Variants in CNGB1 observed in about 807,000 individuals in gnomAD.
The protein encoded by CNGB1 is cyclic nucleotide gated channel subunit beta 1, also known as cyclic nucleotide-gated channel beta-1.
CNGB1 carries 126 observed loss-of-function variants against 151.7 expected under a neutral mutation model. That is an observed-to-expected ratio of 0.83 (90% CI 0.72 to 0.96). The LOEUF (loss-of-function observed/expected upper bound fraction) is 0.96. Ranked by LOEUF, CNGB1 falls within the 40% of genes least tolerant of loss-of-function variation. CNGB1 has a pLI of 0.00. For synonymous variants in CNGB1, 623 were observed against 635.1 expected, an observed-to-expected ratio of 0.98 and a Z score of 0.29; for missense variants, 1,698 against 1,627.0, an observed-to-expected ratio of 1.04 and a Z score of -0.75.
chr16:57,914,207 G>C (rs1449828836), intron 23 of CNGB1, among the ~76,000 whole-genome samples: 1 of 152,164 alleles, frequency 6.6e-6, no homozygotes, highest in Admixed American at 6.6e-5. Flanking sequence ...TGTGACCCAA[G>C]GTATGGATCT....
chr16:57,916,732 G>A (rs763396092), intron 21 of CNGB1, among the ~76,000 whole-genome samples: 1 of 152,276 alleles, frequency 6.6e-6, no homozygotes, highest in East Asian at 1.9e-4. Context: ...TAAGGCAGGG[G>A]TGGTGCACGG....
At chr16:57,899,712 T>C (rs1397879346) in intron 29 of CNGB1, among the ~76,000 whole-genome samples, 4 of 152,172 alleles carry the variant, frequency 2.6e-5, no homozygotes, top group Non-Finnish European at 4.4e-5. Context: ...ACTGTCACAC[T>C]TTTGACTTAT....
rs1960493273 is a variant in CNGB1 at position 57,904,716 on chromosome 16, G to A, written c.2634+18C>T. On this transcript the variant is annotated intron_variant, in intron 26 of 32. Coordinates refer to ENST00000251102, the MANE Select transcript of CNGB1 (RefSeq NM_001297.5). ...CTGCAGTCAGGTGGGGTGGGAAGCT[G>A]GGCTGGTGCCCCGATACCTGTCCGA... 6.2e-7 allele frequency: 1 copy of A among 1,613,776 alleles called. No homozygotes were observed. Among genetic ancestry groups the A allele is most frequent in the Non-Finnish European group, 8.5e-7 (1 of 1,180,012 alleles).
intron 16 of CNGB1, 31 bp from the exon 17 acceptor site, chr16:57,931,909 G>A (rs757035549): frequency 1.2e-6 from 2 of 1,612,956 alleles, no homozygotes; most frequent in South Asian, 1.1e-5. Context: ...GAGAAAGTCA[G>A]AGAGAGACAA....
intron 12 of CNGB1, 103 bp from the exon 13 acceptor site, chr16:57,950,643 G>C: frequency 2.6e-6 from 3 of 1,135,472 alleles, no homozygotes; most frequent in Non-Finnish European, 3.9e-6. Flanking sequence ...GTCGCCAGCA[G>C]TGCCTCAGTG....
intron 16 of CNGB1, among the ~76,000 whole-genome samples, chr16:57,936,809 A>AG (rs879861012): frequency 6.6e-6 from 1 of 151,618 alleles, no homozygotes; most frequent in South Asian, 2.1e-4. Context: ...CAAAAAAAAA[A>AG]CAAAAGAAAA....
In CNGB1 at chr16:57,884,373, G is replaced by A; in HGVS notation, c.3547C>T (p.Pro1183Ser). The change falls in exon 33 of 33, where the codon CCA becomes TCA. Residue 1183 changes from proline (P) to serine (S), a missense_variant. Pro to Ser is a moderately conservative substitution (Grantham distance 74). Coordinates refer to ENST00000251102, the MANE Select transcript of CNGB1 (RefSeq NM_001297.5). Reference protein sequence around the residue: ...HTHPKEAATDPPAPRTPPEPP... With the variant: ...HTHPKEAATDSPAPRTPPEPP... ...TCGGGGGGCGTCCGGGGCGCGGGTG[G>A]GTCGGTGGCGGCCTCCTTTGGGTGC... 6 of 1,611,964 alleles carry A rather than the reference G, an allele frequency of 3.7e-6. No individual in the cohort carries two copies. Among genetic ancestry groups the A allele is most frequent in the Middle Eastern group, 3.3e-4 (2 of 5,990 alleles).
intron 11 of CNGB1, among the ~76,000 whole-genome samples, chr16:57,958,098 G>A (rs1597011113): frequency 6.6e-6 from 1 of 152,148 alleles, no homozygotes; most frequent in Non-Finnish European, 1.5e-5. Context: ...CTCATTTCTG[G>A]ACCTTTGCAC....
Position 57,904,945 on chromosome 16 carries a change from C to G in CNGB1, c.2493-70G>C, listed in dbSNP as rs1266597133. 4 of 1,592,756 alleles carry G rather than the reference C, an allele frequency of 2.5e-6. No homozygotes were observed. In the Admixed American group the frequency reaches 5.0e-5, roughly 20 times the overall value. On this transcript the variant is annotated intron_variant, in intron 25 of 32. Coordinates refer to ENST00000251102, the MANE Select transcript of CNGB1 (RefSeq NM_001297.5). ...CTCTGCCGCCCCGAGCAGTCTGGCT[C>G]AGACGCCTCTGATAGATGCATGTTG... is the stretch of plus-strand genomic sequence containing the variant.
intron 12 of CNGB1, among the ~76,000 whole-genome samples, chr16:57,952,611 G>A (rs916503783): frequency 2.1e-5 from 3 of 141,322 alleles, no homozygotes; most frequent in South Asian, 4.5e-4. Flanking sequence ...AGCAATTCTC[G>A]TGCCTCAGCT....
intron 15 of CNGB1, 39 bp downstream of exon 15, chr16:57,940,195 C>A: frequency 6.5e-7 from 1 of 1,535,362 alleles, no homozygotes; most frequent in Non-Finnish European, 8.8e-7. Context: ...CAATGCCAAG[C>A]CAGGCCTCAG....
At chr16:57,916,024 T>A (rs1037265944) in intron 22 of CNGB1, 105 bp downstream of exon 22, 7 of 1,078,682 alleles carry the variant, frequency 6.5e-6, no homozygotes, top group Non-Finnish European at 1.0e-5. Context: ...CATCCCTCCG[T>A]GTGGCAGAAA....
At chr16:57,953,821 G>T (rs1268838438) in intron 12 of CNGB1, among the ~76,000 whole-genome samples, 2 of 151,984 alleles carry the variant, frequency 1.3e-5, no homozygotes, top group Non-Finnish European at 2.9e-5. Context: ...GAAAGCAGGT[G>T]CTTCTCAATA....
chr16:57,950,251 G>A (rs1034135160), intron 13 of CNGB1, 130 bp downstream of exon 13: 63 of 1,079,120 alleles, frequency 5.8e-5, no homozygotes, highest in Non-Finnish European at 9.8e-6. Flanking sequence ...GAGAAGGATG[G>A]CTGTATGAAG....
In CNGB1 at chr16:57,959,872, A is replaced by T; in HGVS notation, c.761+16T>A. Reference sequence around the variant, plus strand: ...CCTGCTCCCTGGTGGGAGGCGCTGCATTGAGGGTGGCTCACCTGGCAGGGT... The same window carrying T: ...CCTGCTCCCTGGTGGGAGGCGCTGCTTTGAGGGTGGCTCACCTGGCAGGGT... On this transcript the variant is annotated intron_variant, in intron 10 of 32. Coordinates refer to ENST00000251102, the MANE Select transcript of CNGB1 (RefSeq NM_001297.5). 6.6e-7 allele frequency: 1 copy of T among 1,508,584 alleles called. No individual in the cohort carries two copies. The highest frequency in any genetic ancestry group is 8.9e-7 in the Non-Finnish European group (1 of 1,128,106). 93.4% of individuals were successfully genotyped at this position (1,508,584 alleles called of 1,614,324 possible). A position where few individuals can be genotyped will look rare whatever the true frequency, so the allele number is the denominator to read the frequency against.
intron 17 of CNGB1, 22 bp from the exon 18 acceptor site, chr16:57,923,402 A>T (rs771570171): frequency 1.3e-6 from 2 of 1,594,448 alleles, no homozygotes; most frequent in Non-Finnish European, 8.6e-7. Context: ...CAGATGTGGA[A>T]GGGGCCTTCA....
chr16:57,948,975 A>T (rs1961876574), intron 14 of CNGB1, among the ~76,000 whole-genome samples: 1 of 152,154 alleles, frequency 6.6e-6, no homozygotes, highest in Non-Finnish European at 1.5e-5. Context: ...TTTGTGAATA[A>T]AGGGAGAACT....
chr16:57,959,078 C>T (rs1962170585), intron 10 of CNGB1, among the ~76,000 whole-genome samples: 2 of 152,082 alleles, frequency 1.3e-5, no homozygotes, highest in South Asian at 4.2e-4. Flanking sequence ...ATATATGTAT[C>T]CTTTGGCCCA....
Position 57,940,217 on chromosome 16 carries a change from C to A in CNGB1, c.1209+17G>T, listed in dbSNP as rs372846873. The A allele has an allele frequency of 6.4e-7, 1 of 1,556,802 alleles. No homozygotes were observed. Among genetic ancestry groups the A allele is most frequent in the East Asian group, 2.4e-5 (1 of 42,004 alleles). ...AAGCCAGGCCTCAGAGGTGCCAGTG[C>A]CTGGTGCTTCTCATACCTGATCTGA... is the stretch of plus-strand genomic sequence containing the variant. On this transcript the variant is annotated intron_variant, in intron 15 of 32. Transcript: ENST00000251102.
Sources: gnomAD v4.1 joint callset for allele counts (sites outside exome capture counted in the v4.1 genomes callset) on GRCh38, gnomAD v4.1.1 for gene constraint, MANE v1.5 for transcripts, NCBI Gene and HGNC (gene_info 2026-07-23, HGNC 2026-07-21) for gene names.